DNAH9: variants seen among roughly 807,000 people sequenced by gnomAD.
DNAH9 encodes DNAH9 variant protein.
A neutral mutation model predicts 471.6 loss-of-function variants in DNAH9; 345 were observed. That is an observed-to-expected ratio of 0.73 (90% CI 0.67 to 0.80). The LOEUF (loss-of-function observed/expected upper bound fraction) is 0.80. Among genes scored for constraint, DNAH9 ranks in the 30% least tolerant of loss-of-function variants. The pLI, the probability that DNAH9 is intolerant of heterozygous loss-of-function variation, is 0.00. For synonymous variants in DNAH9, 2,093 were observed against 2,123.6 expected (o/e 0.99, Z 0.40); for missense variants, 5,407 against 5,609.2 (o/e 0.96, Z 1.15).
chr17:11,604,311 C>G (rs138410253), intron 1 of DNAH9, among the ~76,000 whole-genome samples: 1 of 152,066 alleles, frequency 6.6e-6, no homozygotes, highest in Non-Finnish European at 1.5e-5. Flanking sequence ...TGTGAGCCGC[C>G]GCGCCCGTCC....
At chr17:11,749,508 AATT>A (rs1437871623) in intron 32 of DNAH9, among the ~76,000 whole-genome samples, 1 of 151,766 alleles carries the variant, frequency 6.6e-6, no homozygotes, top group East Asian at 1.9e-4. Context: ...TAACAAAGGA[AATT>A]ATGCCTGTCT....
At position 11,694,374 on chromosome 17, in the gene DNAH9, C is replaced by T. The variant is rs775491169; in HGVS notation, c.4799C>T (p.Ala1600Val). 6.2e-7 allele frequency: 1 copy of T among 1,613,698 alleles called. No homozygotes were observed. Among genetic ancestry groups the T allele is most frequent in the Non-Finnish European group, 8.5e-7 (1 of 1,179,910 alleles). Residue 1600 changes from alanine (A) to valine (V), a missense_variant, in exon 22 of 69, where the codon GCC (alanine) becomes GTC (valine). Ala to Val is a moderately conservative substitution (Grantham distance 64, BLOSUM62 0). This residue lies in a region of DNAH9 where 4,636 missense variants were observed against 4,900.3 expected (regional missense o/e 0.95). Coordinates refer to ENST00000262442, the MANE Select transcript of DNAH9 (RefSeq NM_001372.4). ...GAGTACCTCGACACCAAGAGGCTTG[C>T]CTTCCCGCGGTTTTACTTTCTCTCC... ...LAEYLDTKRL[A>V]FPRFYFLSSS...
At chr17:11,696,813 TATTC>T (rs1299675835) in intron 22 of DNAH9, among the ~76,000 whole-genome samples, 1 of 152,230 alleles carries the variant, frequency 6.6e-6, no homozygotes, top group Non-Finnish European at 1.5e-5. Flanking sequence ...ACTGTATTTT[TATTC>T]ATTCTGTGTT....
Position 11,742,208 on chromosome 17 carries a change from G to A in DNAH9, c.6006G>A (p.Leu2002=). 1 of 1,614,120 alleles carries A rather than the reference G, an allele frequency of 6.2e-7. No homozygotes were observed. The highest frequency in any genetic ancestry group is 8.5e-7 in the Non-Finnish European group (1 of 1,179,990). Residue 2002 remains leucine, a synonymous_variant, in exon 30 of 69, where the codon TTG becomes TTA. Transcript: ENST00000262442. The part of the protein sequence containing the change: ...PCAMVVPDFE[L]ICEIMLVAEG... ...CAATGGTGGTTCCAGACTTTGAATTGATCTGTGAAATCATGCTGGTGGCAG... is the reference window on the plus strand; with the variant it reads ...CAATGGTGGTTCCAGACTTTGAATTAATCTGTGAAATCATGCTGGTGGCAG...
chr17:11,609,560 TA>T (rs1395956814), intron 2 of DNAH9, among the ~76,000 whole-genome samples: 4 of 152,226 alleles, frequency 2.6e-5, no homozygotes, highest in Middle Eastern at 3.2e-3. Flanking sequence ...TCAGCAAATA[TA>T]AATTTAATTT....
intron 28 of DNAH9, 140 bp from the exon 29 acceptor site, chr17:11,738,740 G>T (rs2075390285): frequency 5.6e-6 from 4 of 715,502 alleles, no homozygotes; most frequent in Non-Finnish European, 9.6e-6. Context: ...CTGGGGTGTG[G>T]TCATCATGCC....
chr17:11,715,472 G>A (rs1409394301), intron 26 of DNAH9, among the ~76,000 whole-genome samples: 2 of 152,148 alleles, frequency 1.3e-5, no homozygotes, highest in African/African-American at 2.4e-5. Context: ...CTCACTGAAA[G>A]AAAAGACTAT....
rs199603883 is a variant in DNAH9, at chr17:11,931,971, G to A, written c.12106-43G>A. ...CCTCACCCTAGCCAGCCCCGTATAA[G>A]AGAAGTTGTGTGCGAACCTTAAAAG... is the stretch of plus-strand genomic sequence containing the variant. On this transcript the variant is annotated intron_variant, in intron 63 of 68. Coordinates refer to ENST00000262442, the MANE Select transcript of DNAH9 (RefSeq NM_001372.4). 89 of 1,605,090 alleles carry A rather than the reference G, an allele frequency of 5.5e-5. No homozygotes were observed. In the African/African-American group the frequency reaches 1.1e-3, roughly 19 times the overall value.
At chr17:11,742,335 T>C in intron 30 of DNAH9, 22 bp downstream of exon 30, 1 of 1,613,500 alleles carries the variant, frequency 6.2e-7, no homozygotes, top group Non-Finnish European at 8.5e-7. Context: ...AGGGAGGCTG[T>C]ACAACCAAGC....
chr17:11,629,361 T>G lies in DNAH9; in HGVS notation c.1351-56T>G. The G allele has an allele frequency of 2.0e-6, 3 of 1,504,794 alleles. No homozygotes were observed. In the South Asian group the frequency reaches 3.5e-5, roughly 18 times the overall value. The allele number at this position is 1,504,794 out of a possible 1,614,324, so 93.2% of individuals were successfully genotyped here. ...AGAACATGCGGTGTTTGGTTTTTTG[T>G]CCTTGCGATAGTTTGCTGAGAATGA... On this transcript the variant is annotated intron_variant, in intron 6 of 68. Coordinates refer to ENST00000262442, the MANE Select transcript of DNAH9 (RefSeq NM_001372.4).
In DNAH9 at chr17:11,838,246, G is replaced by A. The variant is rs185637582; in HGVS notation, c.9507+3348G>A. Among the ~76,000 whole-genome samples the A allele has an allele frequency of 2.2e-4, 33 of 152,278 alleles. No individual in the cohort carries two copies. In the South Asian group the frequency reaches 3.1e-3, roughly 14 times the overall value. ...CATAAGCATGTTCTTTATCAGTAAG[G>A]AGTATAATCTAGAAGTAATGGTGCA... On this transcript the variant is annotated intron_variant, in intron 49 of 68. Coordinates refer to ENST00000262442, the MANE Select transcript of DNAH9 (RefSeq NM_001372.4).
chr17:11,652,592 G>A (rs570669673), intron 13 of DNAH9, among the ~76,000 whole-genome samples, 169 bp from the exon 14 acceptor site: 10 of 151,920 alleles, frequency 6.6e-5, no homozygotes, highest in Non-Finnish European at 1.3e-4. Context: ...GCCAGGGTTG[G>A]CTTTTTAATA....
chr17:11,748,077 G>T (rs926820543), intron 32 of DNAH9, among the ~76,000 whole-genome samples: 1 of 150,954 alleles, frequency 6.6e-6, no homozygotes, highest in Non-Finnish European at 1.5e-5. Flanking sequence ...AGCGGAGGTG[G>T]GTGGATCACG....
In DNAH9 at chr17:11,953,586, C is replaced by T. The variant is rs902866296; in HGVS notation, c.12844-8281C>T. On this transcript the variant is annotated intron_variant, in intron 67 of 68. Transcript: ENST00000262442. ...CAGCACTTTGGGAGGCTGAGGCGGG[C>T]GGATCACGAGGTCAGGAGATCAAGA... 5.9e-5 allele frequency among the ~76,000 whole-genome samples: 9 copies of T among 151,806 alleles called. No homozygotes were observed. The East Asian group carries it at 7.7e-4, about 13-fold the overall frequency.
chr17:11,628,893 A>G (rs181878171), intron 6 of DNAH9, among the ~76,000 whole-genome samples: 77 of 152,302 alleles, frequency 5.1e-4, no homozygotes, highest in African/African-American at 1.7e-3. Flanking sequence ...ATTTTGGTTT[A>G]AGTGAATTTT....
chr17:11,698,939 C>A (rs2074541281), intron 22 of DNAH9, among the ~76,000 whole-genome samples: 1 of 151,966 alleles, frequency 6.6e-6, no homozygotes, highest in African/African-American at 2.4e-5. Context: ...GTTTGTTGAA[C>A]TGAAGAGGTT....
intron 38 of DNAH9, among the ~76,000 whole-genome samples, chr17:11,773,379 C>A (rs1257064832): frequency 6.6e-6 from 1 of 151,994 alleles, no homozygotes; most frequent in African/African-American, 2.4e-5. Flanking sequence ...GAATACTAAG[C>A]AATGTTGGAA....
chr17:11,943,176 G>C (rs996189452), intron 67 of DNAH9, among the ~76,000 whole-genome samples: 42 of 151,942 alleles, frequency 2.8e-4, no homozygotes, highest in African/African-American at 9.9e-4. Context: ...TTATAGGTGT[G>C]AGCCACTGCA....
At chr17:11,679,673 A>C (rs2074100833) in intron 17 of DNAH9, 84 bp from the exon 18 acceptor site, 2 of 948,284 alleles carry the variant, frequency 2.1e-6, no homozygotes, top group Non-Finnish European at 3.4e-6. Flanking sequence ...ATAATGATAG[A>C]TATTTTTGTT....
Sources: gnomAD v4.1 joint callset for allele counts (sites outside exome capture counted in the v4.1 genomes callset) on GRCh38, gnomAD v4.1.1 for gene constraint, gnomAD v4.1.1 regional missense constraint, MANE v1.5 for transcripts, NCBI Gene and HGNC (gene_info 2026-07-23, HGNC 2026-07-21) for gene names.